The following LRCH2 variants were observed in gnomAD, a reference collection of about 807,000 sequenced individuals.
LRCH2 encodes leucine-rich repeat and calponin homology domain-containing protein 2.
In LRCH2, 38 loss-of-function variants were observed where a neutral mutation model predicts 68.9. The ratio of observed to expected loss-of-function variants is 0.55; its 90% confidence interval spans 0.43 to 0.72. The LOEUF is 0.72. LRCH2 is among the 30% of genes least tolerant of loss of function. The pLI is 0.00. For synonymous variants in LRCH2, 191 were observed against 208.1 expected (o/e 0.92, Z 0.71); for missense variants, 528 against 572.9 (o/e 0.92, Z 0.80).
chrX:115,191,720 A>G, intron 1 of LRCH2: 2 of 1,163,311 alleles, frequency 1.7e-6, no homozygotes, highest in Non-Finnish European at 1.1e-6. Context: ...CCTGACGCCT[A>G]CAGTGGGGGC....
rs782652372 is a variant in LRCH2, at chrX:115,191,949, C to T, written c.350-3579G>A. 77 of 1,164,505 alleles carry T rather than the reference C, an allele frequency of 6.6e-5. No homozygotes were observed. The Middle Eastern group carries it at 9.2e-4, about 14-fold the overall frequency. On this transcript the variant is annotated intron_variant, in intron 1 of 20. Coordinates refer to ENST00000317135, the MANE Select transcript of LRCH2 (RefSeq NM_020871.4). ...CCAACAGCGGAGGCCACTCACCCAACGCCTACAGTGGGGGCCGTGACAGTT... is the reference window on the plus strand; with the variant it reads ...CCAACAGCGGAGGCCACTCACCCAATGCCTACAGTGGGGGCCGTGACAGTT...
At chrX:115,195,676 A>G (rs183521585) in intron 1 of LRCH2, among the ~76,000 whole-genome samples, 20 of 111,874 alleles carry the variant, frequency 1.8e-4, no homozygotes, top group African/African-American at 6.5e-4. Context: ...GGGAATGAGA[A>G]GAAAAGCAGA....
At chrX:115,182,250 G>C (rs1219414892) in intron 3 of LRCH2, among the ~76,000 whole-genome samples, 1 of 110,776 alleles carries the variant, frequency 9.0e-6, no homozygotes, top group Non-Finnish European at 1.9e-5. Flanking sequence ...TAAAAACGTA[G>C]GGCCAAAAAC....
rs2072553997 is a variant in LRCH2 at position 115,165,719 on chromosome X, C to A, written c.1199-64G>T. The A allele has an allele frequency of 3.2e-6, 3 of 946,634 alleles. No individual in the cohort carries two copies. The Admixed American group carries it at 9.6e-5, about 30-fold the overall frequency. 78.0% of individuals were successfully genotyped at this position (946,634 alleles called of 1,213,427 possible). A position where few individuals can be genotyped will look rare whatever the true frequency, so the allele number is the denominator to read the frequency against. ...TAAACTGTATGCTTGACACTGCTGT[C>A]CTTAGAAAAATGTGTATTTTCTCAA... On this transcript the variant is annotated intron_variant, in intron 8 of 20. Transcript: ENST00000317135.
In LRCH2 at chrX:115,233,715, G is replaced by A; in HGVS notation, c.327C>T (p.Asp109=). 1 of 1,172,131 alleles carries A rather than the reference G, an allele frequency of 8.5e-7. No individual in the cohort carries two copies. Among genetic ancestry groups the A allele is most frequent in the Non-Finnish European group, 1.1e-6 (1 of 874,214 alleles). The change falls in exon 1 of 21, where the codon GAC becomes GAT. Residue 109 remains aspartate, a synonymous_variant. Transcript: ENST00000317135. Reference sequence around the variant, plus strand: ...CACCTGCTTGGGTGGTGTCCGTCAGGTCGTAGCCGCTGCCCGGGAAGTCTC... The same window carrying A: ...CACCTGCTTGGGTGGTGTCCGTCAGATCGTAGCCGCTGCCCGGGAAGTCTC... The part of the protein sequence containing the change: ...KLRDFPGSGY[D]LTDTTQADLS...
At chrX:115,189,396 C>T (rs781993694) in intron 1 of LRCH2, 1,481 of 1,131,356 alleles carry the variant, frequency 1.3e-3, no homozygotes, top group Admixed American at 1.6e-3. Context: ...TGAACTGCCG[C>T]GTCATCACTT....
chrX:115,139,639 C>T (rs1209652295), intron 14 of LRCH2, among the ~76,000 whole-genome samples: 1 of 110,831 alleles, frequency 9.0e-6, no homozygotes, highest in Non-Finnish European at 1.9e-5. Context: ...AATTAGCCAG[C>T]TACCCACAGT....
intron 2 of LRCH2, among the ~76,000 whole-genome samples, chrX:115,185,597 C>G (rs1465614896): frequency 1.1e-5 from 1 of 95,176 alleles, no homozygotes; most frequent in Non-Finnish European, 2.1e-5. Flanking sequence ...ACATACACAG[C>G]AACAAAAGTC....
chrX:115,157,039 T>C (rs1037863532), intron 11 of LRCH2, among the ~76,000 whole-genome samples: 5 of 111,406 alleles, frequency 4.5e-5, no homozygotes, highest in South Asian at 3.7e-4. Context: ...ATGTAATACA[T>C]AGTTATTTTG....
At chrX:115,116,039 T>G (rs1226106943) in intron 20 of LRCH2, among the ~76,000 whole-genome samples, 1 of 110,783 alleles carries the variant, frequency 9.0e-6, no homozygotes, top group African/African-American at 3.3e-5. Context: ...ACCAAAAAGG[T>G]AGACAGTAGT....
At chrX:115,141,504 G>A (rs2072338239) in intron 14 of LRCH2, among the ~76,000 whole-genome samples, 1 of 111,034 alleles carries the variant, frequency 9.0e-6, no homozygotes, top group African/African-American at 3.3e-5. Context: ...CTCTCCAAAG[G>A]AGGCAATCAG....
Position 115,165,635 on chromosome X carries a change from C to A in LRCH2, c.1219G>T (p.Val407Phe), listed in dbSNP as rs782566733. Residue 407 changes from valine to phenylalanine, a missense_variant, in exon 9 of 21, where the codon GTT becomes TTT. Transcript: ENST00000317135. ...SQKDQEVYDF[V>F]DPNTEDVAVP... ...GCTACATCTTCTGTGTTGGGGTCAA[C>A]AAAATCATATACCTCCTGGTCTAGG... is the stretch of plus-strand genomic sequence containing the variant. 14 of 1,156,836 alleles carry A rather than the reference C, an allele frequency of 1.2e-5. No individual in the cohort carries two copies. In the African/African-American group the frequency reaches 2.0e-4, roughly 16 times the overall value.
rs1192190924 is a variant in LRCH2 at position 115,171,863 on chromosome X, C to T, written c.865-1431G>A. Among the ~76,000 whole-genome samples the T allele has an allele frequency of 2.8e-5, 3 of 108,691 alleles. No individual in the cohort carries two copies. In the Admixed American group the frequency reaches 3.0e-4, roughly 11 times the overall value. 94.4% of individuals were successfully genotyped at this position (108,691 alleles called of 115,157 possible). A position where few individuals can be genotyped will look rare whatever the true frequency, so the allele number is the denominator to read the frequency against. ...CCCGGCTAATCTTTCTTATATTTTG[C>T]AGAGACAGGGTCCCACCATGTTGCC... is the stretch of plus-strand genomic sequence containing the variant. On this transcript the variant is annotated intron_variant, in intron 5 of 20. Transcript: ENST00000317135.
rs2072676232 is a variant in LRCH2, at chrX:115,179,569, C to A, written c.728-6G>T. The A allele has an allele frequency of 1.8e-6, 2 of 1,114,927 alleles. No individual in the cohort carries two copies. Among genetic ancestry groups the A allele is most frequent in the South Asian group, 4.7e-5 (2 of 42,826 alleles). 91.9% of individuals were successfully genotyped at this position (1,114,927 alleles called of 1,213,427 possible). ...TAAGGGAAGGTCTCCTAATTCTGGT[C>A]AGAAATGAAAAATAATTAATTAAAT... On this transcript the variant is annotated splice_region_variant and splice_polypyrimidine_tract_variant and intron_variant, in intron 4 of 20. Coordinates refer to ENST00000317135, the MANE Select transcript of LRCH2 (RefSeq NM_020871.4).
chrX:115,120,940 A>T (rs1375216658), intron 20 of LRCH2, among the ~76,000 whole-genome samples: 12 of 102,624 alleles, frequency 1.2e-4, no homozygotes, highest in African/African-American at 4.3e-4. Context: ...CAAACACCGC[A>T]TATTCTCACT....
chrX:115,228,542 C>T (rs1056696065), intron 1 of LRCH2, among the ~76,000 whole-genome samples: 1 of 110,779 alleles, frequency 9.0e-6, no homozygotes, highest in South Asian at 3.9e-4. Flanking sequence ...ATGGCACCTC[C>T]CAGCAAATCA....
At position 115,163,762 on chromosome X, in the gene LRCH2, C is replaced by T. The variant is rs1556543153; in HGVS notation, c.1377G>A (p.Leu459=). The T allele has an allele frequency of 8.4e-7, 1 of 1,194,767 alleles. No homozygotes were observed. The highest frequency in any genetic ancestry group is 3.0e-5 in the East Asian group (1 of 33,505). The change falls in exon 11 of 21, where the codon CTG becomes CTA. Residue 459 remains leucine, a synonymous_variant. Transcript: ENST00000317135. ...TCAAATCATCATCCTCTTCCTCTGC[C>T]AGTAACTGTTCTTTCTCAAGTCTGA... is the stretch of plus-strand genomic sequence containing the variant. The part of the protein sequence containing the change: ...DEKRLEKEQL[L]AEEEDDDLKE...
At chrX:115,122,204 C>CAAA (rs1293459152) in intron 20 of LRCH2, among the ~76,000 whole-genome samples, 1 of 49,116 alleles carries the variant, frequency 2.0e-5, no homozygotes, top group African/African-American at 7.8e-5. Context: ...TGTTCTCTAG[C>CAAA]AAAAAAAAAA....
chrX:115,197,847 T>TCTCTCTCTCACA (rs782358260), intron 1 of LRCH2, among the ~76,000 whole-genome samples: 668 of 20,534 alleles, frequency 0.033, 44 homozygotes, highest in Non-Finnish European at 0.043. Flanking sequence ...TCTCTCTCTC[T>TCTCTCTCTCACA]CACACACACA....
Sources: gnomAD v4.1 joint callset for allele counts (sites outside exome capture counted in the v4.1 genomes callset) on GRCh38, gnomAD v4.1.1 for gene constraint, MANE v1.5 for transcripts, NCBI Gene and HGNC (gene_info 2026-07-23, HGNC 2026-07-21) for gene names.